Variants in HADHB observed in about 807,000 individuals in gnomAD.
The protein encoded by HADHB is trifunctional enzyme subunit beta, mitochondrial.
In HADHB, 50 loss-of-function variants were observed where a neutral mutation model predicts 61.9. The observed-to-expected ratio is 0.81, with a 90% confidence interval of 0.64 to 1.02. The LOEUF (loss-of-function observed/expected upper bound fraction) is 1.02, where lower values mean the gene tolerates loss of function less well. Ranked by LOEUF, HADHB falls within the 50% of genes least tolerant of loss-of-function variation. The probability of loss-of-function intolerance (pLI) is 0.00; values close to 1 mark genes in which losing one functional copy is unlikely to be tolerated. For synonymous variants in HADHB, 191 were observed against 201.6 expected (o/e 0.95, Z 0.45); for missense variants, 504 against 586.5 (o/e 0.86, Z 1.45).
intron 15 of HADHB, among the ~76,000 whole-genome samples, chr2:26,289,235 G>A (rs1343120422): frequency 2.0e-5 from 3 of 152,108 alleles, no homozygotes; most frequent in South Asian, 4.1e-4. Flanking sequence ...GGGCAACGGC[G>A]AGGCACGGTC....
intron 6 of HADHB, among the ~76,000 whole-genome samples, 185 bp from the exon 7 acceptor site, chr2:26,276,888 A>G (rs1672549759): frequency 6.6e-6 from 1 of 152,224 alleles, no homozygotes; most frequent in Admixed American, 6.5e-5. Flanking sequence ...ATACCTGTCA[A>G]TTAATGGCAA....
At chr2:26,269,662 C>T (rs937274440) in intron 4 of HADHB, among the ~76,000 whole-genome samples, 1 of 152,184 alleles carries the variant, frequency 6.6e-6, no homozygotes, top group Admixed American at 6.5e-5. Flanking sequence ...GGTGGGGCTT[C>T]ACTTTAAAGA....
intron 3 of HADHB, chr2:26,254,936 A>G (rs1671546406): frequency 5.8e-6 from 1 of 172,256 alleles, no homozygotes. Context: ...GAACTAGTTA[A>G]TAACAGAAAG....
In HADHB at chr2:26,268,961, A is replaced by G. The variant is rs553523738; in HGVS notation, c.210-992A>G. On this transcript the variant is annotated intron_variant, in intron 4 of 15. Coordinates refer to ENST00000317799, the MANE Select transcript of HADHB (RefSeq NM_000183.3). ...CAGGAGTTCAGGACCAGCGTGGCCAACATGGTGAAATCCCATCTCTACTAA... is the reference window on the plus strand; with the variant it reads ...CAGGAGTTCAGGACCAGCGTGGCCAGCATGGTGAAATCCCATCTCTACTAA... 2.6e-5 allele frequency among the ~76,000 whole-genome samples: 4 copies of G among 152,208 alleles called. No individual in the cohort carries two copies. The East Asian group carries it at 7.7e-4, about 29-fold the overall frequency.
chr2:26,274,792 T>C (rs1408053885), intron 6 of HADHB, among the ~76,000 whole-genome samples: 1 of 152,228 alleles, frequency 6.6e-6, no homozygotes, highest in Non-Finnish European at 1.5e-5. Context: ...GCACTTAAGA[T>C]GTAAATAGTA....
chr2:26,267,583 C>T (rs892593932), intron 4 of HADHB, among the ~76,000 whole-genome samples: 5 of 148,866 alleles, frequency 3.4e-5, no homozygotes, highest in African/African-American at 1.2e-4. Context: ...ACCAGCCTGG[C>T]CAACATGGTG....
At chr2:26,283,118 G>A in intron 12 of HADHB, 67 bp downstream of exon 12, 2 of 990,078 alleles carry the variant, frequency 2.0e-6, no homozygotes, top group Non-Finnish European at 3.3e-6. Flanking sequence ...TTATTATACT[G>A]GTTAATAAAT....
At chr2:26,246,939 C>CGTGG (rs1255681160) in intron 1 of HADHB, among the ~76,000 whole-genome samples, 1 of 152,110 alleles carries the variant, frequency 6.6e-6, no homozygotes, top group African/African-American at 2.4e-5. Flanking sequence ...GGTGTGTGCA[C>CGTGG]GTGGGTGTGC....
chr2:26,266,871 C>CAAAAAAAAAAAAAAAAAAAAAA (rs56401595), intron 4 of HADHB, among the ~76,000 whole-genome samples: 11 of 45,420 alleles, frequency 2.4e-4, no homozygotes, highest in African/African-American at 1.1e-3. Context: ...CACTCTCTCT[C>CAAAAAAAAAAAAAAAAAAAAAA]AAAAAAAAAA....
intron 10 of HADHB, 72 bp downstream of exon 10, chr2:26,280,187 T>A: frequency 1.6e-6 from 2 of 1,233,814 alleles, no homozygotes; most frequent in South Asian, 1.2e-5. Flanking sequence ...AAGCCTAATA[T>A]AACTTTTTGT....
At chr2:26,289,853 C>T in intron 15 of HADHB, 65 bp from the exon 16 acceptor site, 1 of 1,058,984 alleles carries the variant, frequency 9.4e-7, no homozygotes, top group Non-Finnish European at 1.5e-6. Context: ...TTGTTCTCTG[C>T]TGTCCCTGTA....
rs1673065675 is a variant in HADHB, at chr2:26,287,074, T to G, written c.1389+1503T>G. Among the ~76,000 whole-genome samples, 3 of 151,718 alleles carry G rather than the reference T, an allele frequency of 2.0e-5. No homozygotes were observed. The South Asian group carries it at 6.3e-4, about 32-fold the overall frequency. Reference sequence around the variant, plus strand: ...TAAAAACTAGCCTAGTGTGGTGGTGTGCGCCTGTAATTCCAGCTACTCAGG... The same window carrying G: ...TAAAAACTAGCCTAGTGTGGTGGTGGGCGCCTGTAATTCCAGCTACTCAGG... On this transcript the variant is annotated intron_variant, in intron 15 of 15. Coordinates refer to ENST00000317799, the MANE Select transcript of HADHB (RefSeq NM_000183.3).
At chr2:26,252,081 C>T (rs1419335046) in intron 1 of HADHB, among the ~76,000 whole-genome samples, 1 of 152,202 alleles carries the variant, frequency 6.6e-6, no homozygotes, top group Non-Finnish European at 1.5e-5. Context: ...GCATCAGTTC[C>T]TCACCACAGG....
chr2:26,268,715 C>A (rs1672203942), intron 4 of HADHB, among the ~76,000 whole-genome samples: 1 of 152,148 alleles, frequency 6.6e-6, no homozygotes, highest in African/African-American at 2.4e-5. Flanking sequence ...TGGATTGAAT[C>A]TTGGAACAGA....
In HADHB at chr2:26,247,248, AC is replaced by A. The variant is rs150741991; in HGVS notation, c.-9+2261del. Among the ~76,000 whole-genome samples, 445 of 151,982 alleles carry A rather than the reference AC, an allele frequency of 2.9e-3. 4 individuals carry two copies. Among genetic ancestry groups the A allele is most frequent in the African/African-American group, 0.01 (429 of 41,416 alleles). Reference sequence around the variant, plus strand: ...AACCAACTCGATCCTACCCTACCCTACCCTGGAGTTTCCATGCTTTGAATAT... The same window carrying A: ...AACCAACTCGATCCTACCCTACCCTACCTGGAGTTTCCATGCTTTGAATAT... On this transcript the variant is annotated intron_variant, in intron 1 of 15. Coordinates refer to ENST00000317799, the MANE Select transcript of HADHB (RefSeq NM_000183.3).
chr2:26,261,092 T>G (rs1048057384), intron 3 of HADHB: 1 of 1,098,120 alleles, frequency 9.1e-7, no homozygotes, highest in African/African-American at 1.5e-5. Flanking sequence ...CTGAATCTAA[T>G]CAGCTTTTAT....
rs1673202081 is a variant in HADHB, at chr2:26,290,066, T to G, written c.*113T>G. 2 of 812,278 alleles carry G rather than the reference T, an allele frequency of 2.5e-6. No homozygotes were observed. The highest frequency in any genetic ancestry group is 4.8e-5 in the East Asian group (2 of 41,270). The allele number at this position is 812,278 out of a possible 1,614,324, so 50.3% of individuals were successfully genotyped here. ...TTCCTAGCTCCTCTTAGGAAAACAG[T>G]TCTTGTGGCCTTCTATTAAATAGTT... is the stretch of plus-strand genomic sequence containing the variant. On this transcript the variant is annotated 3_prime_UTR_variant, in exon 16 of 16. Transcript: ENST00000317799.
At chr2:26,282,009 G>A (rs937720419) in intron 10 of HADHB, among the ~76,000 whole-genome samples, 2 of 151,926 alleles carry the variant, frequency 1.3e-5, no homozygotes, top group African/African-American at 2.4e-5. Context: ...TGTATGGGGT[G>A]TATCCAAAGA....
intron 4 of HADHB, among the ~76,000 whole-genome samples, chr2:26,264,281 G>A (rs1574651255): frequency 6.6e-6 from 1 of 152,108 alleles, no homozygotes; most frequent in Middle Eastern, 3.2e-3. Flanking sequence ...GGGTGCAGTG[G>A]CTCACACCTG....
Sources: allele counts gnomAD v4.1 joint callset (sites outside exome capture counted in the v4.1 genomes callset), GRCh38; gene constraint gnomAD v4.1.1; transcripts MANE v1.5; gene names NCBI Gene and HGNC (gene_info 2026-07-23, HGNC 2026-07-21).